Variants in RALGAPA1 observed in about 807,000 individuals in gnomAD.
The protein encoded by RALGAPA1 is ral GTPase-activating protein subunit alpha-1.
A neutral mutation model predicts 269.6 loss-of-function variants in RALGAPA1; 52 were observed. The ratio of observed to expected loss-of-function variants is 0.19; its 90% CI spans 0.15 to 0.24. The LOEUF (loss-of-function observed/expected upper bound fraction) is 0.24. RALGAPA1 is among the 10% of genes least tolerant of loss of function. The probability of loss-of-function intolerance (pLI) is 1.00; values close to 1 mark genes in which losing one functional copy is unlikely to be tolerated. For missense variants in RALGAPA1, 1,917 were observed against 3,013.9 expected (o/e 0.64, Z 8.52); for synonymous variants, 817 against 1,008.3 (o/e 0.81, Z 3.60).
intron 26 of RALGAPA1, among the ~76,000 whole-genome samples, chr14:35,667,557 G>C (rs2064047918): frequency 6.6e-6 from 1 of 152,174 alleles, no homozygotes; most frequent in Non-Finnish European, 1.5e-5. Flanking sequence ...TGCAGATTCT[G>C]ATTCAGTAAG....
chr14:35,728,384 C>T lies in RALGAPA1; in HGVS notation c.1714G>A (p.Val572Ile), dbSNP rs757874997. 6.4e-7 allele frequency: 1 copy of T among 1,572,698 alleles called. No homozygotes were observed. The highest frequency in any genetic ancestry group is 8.6e-7 in the Non-Finnish European group (1 of 1,163,578). The change falls in exon 13 of 42, where the codon GTA becomes ATA. Residue 572 changes from valine (V) to isoleucine (I), a missense_variant. Physicochemically the swap from Val to Ile is conservative, Grantham distance 29. Transcript: ENST00000680220. The part of the protein sequence containing the change: ...LNIYRYMVVQ[V>I]SMDKKTWEQM... ...TACCAAGTCTTTTTGTCCATTGATA[C>T]TTGTACAACCATGTACCGATAAATG...
At chr14:35,557,377 CTAATT>C (rs1410757655) in intron 39 of RALGAPA1, among the ~76,000 whole-genome samples, 3 of 150,024 alleles carry the variant, frequency 2.0e-5, no homozygotes, top group Admixed American at 1.3e-4. Context: ...TAAATGTGCA[CTAATT>C]TAATTAAGAT....
intron 1 of RALGAPA1, among the ~76,000 whole-genome samples, chr14:35,781,058 A>G (rs532789862): frequency 6.6e-6 from 1 of 152,332 alleles, no homozygotes; most frequent in South Asian, 2.1e-4. Context: ...CCCAAAAAAA[A>G]TCATTAAACA....
chr14:35,798,212 C>T (rs73235265), intron 1 of RALGAPA1, among the ~76,000 whole-genome samples: 2,713 of 150,300 alleles, frequency 0.018, 83 homozygotes, highest in African/African-American at 0.063. Context: ...TGGACTGTCG[C>T]CCAGGCTAGT....
chr14:35,773,958 C>A (rs1486266477), intron 3 of RALGAPA1, among the ~76,000 whole-genome samples: 1 of 151,998 alleles, frequency 6.6e-6, no homozygotes, highest in South Asian at 2.1e-4. Flanking sequence ...CACTCTCTTG[C>A]CCAAGAGTGC....
At chr14:35,669,155 A>T (rs2064193226) in intron 26 of RALGAPA1, among the ~76,000 whole-genome samples, 1 of 152,226 alleles carries the variant, frequency 6.6e-6, no homozygotes, top group Non-Finnish European at 1.5e-5. Context: ...TGAATCACCA[A>T]ATAATTTTAA....
In RALGAPA1 at chr14:35,600,232, C is replaced by CTTTTTTTTTTTTTTT. The variant is rs71124708; in HGVS notation, c.7054-4458_7054-4444dup. 4.6e-4 allele frequency among the ~76,000 whole-genome samples: 40 copies of CTTTTTTTTTTTTTTT among 86,928 alleles called. 1 individual carries two copies. The highest frequency in any genetic ancestry group is 7.5e-4 in the South Asian group (2 of 2,674). The allele number at this position is 86,928 out of a possible 152,430, so 57.0% of individuals were successfully genotyped here. A position where few individuals can be genotyped will look rare whatever the true frequency, so the allele number is the denominator to read the frequency against. On this transcript the variant is annotated intron_variant, in intron 36 of 41. Transcript: ENST00000680220. ...TCCTTTTTTTTCTTTTTCTTTTTTT[C>CTTTTTTTTTTTTTTT]TTTTTTTTTTTTTTTTTGAGACAGG...
intron 31 of RALGAPA1, among the ~76,000 whole-genome samples, chr14:35,644,772 G>A (rs1349677879): frequency 3.9e-5 from 6 of 152,070 alleles, no homozygotes; most frequent in African/African-American, 1.2e-4. Context: ...CTGTTGGTGG[G>A]GGAAGGTGAG....
At chr14:35,606,260 T>G (rs1043973438) in intron 35 of RALGAPA1, among the ~76,000 whole-genome samples, 17 of 152,238 alleles carry the variant, frequency 1.1e-4, no homozygotes, top group African/African-American at 4.1e-4. Context: ...ACATTATAGA[T>G]GTACTCACAT....
At chr14:35,567,905 T>G (rs1384513006) in intron 39 of RALGAPA1, among the ~76,000 whole-genome samples, 1 of 152,170 alleles carries the variant, frequency 6.6e-6, no homozygotes, top group Non-Finnish European at 1.5e-5. Context: ...TCTACCTCTA[T>G]GCTCCACTTT....
chr14:35,590,084 G>C (rs996264822), intron 37 of RALGAPA1, among the ~76,000 whole-genome samples: 2 of 152,084 alleles, frequency 1.3e-5, no homozygotes, highest in Non-Finnish European at 2.9e-5. Context: ...TGGAACAAAT[G>C]GTTTATGTGA....
intron 16 of RALGAPA1, among the ~76,000 whole-genome samples, chr14:35,711,345 T>C (rs2068317848): frequency 6.6e-6 from 1 of 152,210 alleles, no homozygotes; most frequent in Admixed American, 6.5e-5. Flanking sequence ...TTTTACATGA[T>C]TCTATTTTTC....
At chr14:35,799,297 C>G (rs543423980) in intron 1 of RALGAPA1, among the ~76,000 whole-genome samples, 13 of 152,294 alleles carry the variant, frequency 8.5e-5, no homozygotes, top group African/African-American at 3.1e-4. Context: ...CACAGTGGCT[C>G]ACCCATGTAA....
intron 35 of RALGAPA1, among the ~76,000 whole-genome samples, chr14:35,612,539 T>C (rs1315771500): frequency 6.7e-6 from 1 of 149,976 alleles, no homozygotes; most frequent in Non-Finnish European, 1.5e-5. Flanking sequence ...CTTCTTCTTC[T>C]TCTTTTTTTT....
chr14:35,595,452 T>C (rs769498495), intron 37 of RALGAPA1, among the ~76,000 whole-genome samples, 182 bp downstream of exon 37: 5 of 152,052 alleles, frequency 3.3e-5, no homozygotes, highest in African/African-American at 4.8e-5. Flanking sequence ...AACCATATCA[T>C]TGTTTCTTAA....
chr14:35,607,886 A>G (rs2139237918), intron 35 of RALGAPA1, among the ~76,000 whole-genome samples: 1 of 152,270 alleles, frequency 6.6e-6, no homozygotes, highest in South Asian at 2.1e-4. Context: ...GAGTTCAAAA[A>G]CCCTGTGCAC....
At chr14:35,539,825 C>G (rs927873980) in intron 41 of RALGAPA1, 135 bp from the exon 42 acceptor site, 83 of 1,322,824 alleles carry the variant, frequency 6.3e-5, no homozygotes, top group Non-Finnish European at 8.1e-5. Flanking sequence ...AAGCCCCAAA[C>G]TTGCTTGTTA....
rs2069088418 is a variant in RALGAPA1, at chr14:35,718,750, G to GA, written c.2266+2937_2266+2938insT. 7.9e-5 allele frequency among the ~76,000 whole-genome samples: 12 copies of GA among 152,024 alleles called. No individual in the cohort carries two copies. In the South Asian group the frequency reaches 2.5e-3, roughly 32 times the overall value. On this transcript the variant is annotated intron_variant, in intron 16 of 41. Transcript: ENST00000680220. ...AGAATTGCCTGAACCTAGAAGTGGA[G>GA]GTTGCAGTGAGCTGAGATCATGCCA...
intron 37 of RALGAPA1, among the ~76,000 whole-genome samples, chr14:35,593,313 T>C (rs937261401): frequency 1.3e-5 from 2 of 152,072 alleles, no homozygotes; most frequent in Admixed American, 6.6e-5. Context: ...CTGAAAACTA[T>C]AAAACATTGA....
Sources: gnomAD v4.1 joint callset for allele counts (sites outside exome capture counted in the v4.1 genomes callset) on GRCh38, gnomAD v4.1.1 for gene constraint, MANE v1.5 for transcripts, NCBI Gene and HGNC (gene_info 2026-07-23, HGNC 2026-07-21) for gene names.